The following SPMIP6 variants were observed in gnomAD, a reference collection of about 807,000 sequenced individuals.
SPMIP6 encodes the protein ciliated bronchial epithelial protein 1.
the SPMIP6 span, among the ~76,000 whole-genome samples, chr9:34,384,944 G>T: frequency 4.6e-5 from 7 of 152,046 alleles, no homozygotes; most frequent in African/African-American, 1.4e-4. Context: ...GTGTGGTGGG[G>T]CAGAGGGATG....
At chr9:34,395,415 T>G in the SPMIP6 span, among the ~76,000 whole-genome samples, 13 of 152,226 alleles carry the variant, frequency 8.5e-5, no homozygotes, top group Non-Finnish European at 1.5e-5. Flanking sequence ...AATGCTGTCT[T>G]TATTGGTTTA....
chr9:34,394,966 C>CTT, the SPMIP6 span, among the ~76,000 whole-genome samples: 60,313 of 144,066 alleles, frequency 0.42, 12,758 homozygotes, highest in Non-Finnish European at 0.48. Flanking sequence ...TTCCTTCATT[C>CTT]TTTTTTTTTT....
At chr9:34,393,623 GTTAGTTC>G in the SPMIP6 span, among the ~76,000 whole-genome samples, 1 of 151,898 alleles carries the variant, frequency 6.6e-6, no homozygotes, top group African/African-American at 2.4e-5. Flanking sequence ...CATTTATTTT[GTTAGTTC>G]TGGAAAATTC....
the SPMIP6 span, chr9:34,381,096 A>G: frequency 6.2e-7 from 1 of 1,608,924 alleles, no homozygotes; most frequent in South Asian, 1.1e-5. The surrounding 1 kb of genome is among the most constrained non-coding windows in gnomAD (Gnocchi z 4.4). Flanking sequence ...TGGTTCCGCG[A>G]CAGTGAGTTC....
At chr9:34,396,544 G>A in the SPMIP6 span, among the ~76,000 whole-genome samples, 3 of 152,006 alleles carry the variant, frequency 2.0e-5, no homozygotes, top group South Asian at 2.1e-4. Context: ...TTATGTCCAC[G>A]CTCCACAACA....
the SPMIP6 span, chr9:34,382,570 G>A: frequency 5.1e-6 from 3 of 586,688 alleles, no homozygotes; most frequent in Non-Finnish European, 9.3e-6. Flanking sequence ...GGGTGATAGA[G>A]TGAGACTCTA....
At chr9:34,382,564 G>T in the SPMIP6 span, 2 of 579,588 alleles carry the variant, frequency 3.5e-6, no homozygotes, top group Non-Finnish European at 6.2e-6. Flanking sequence ...CAGCCTGGGT[G>T]ATAGAGTGAG....
At chr9:34,390,767 G>A in the SPMIP6 span, among the ~76,000 whole-genome samples, 2 of 151,934 alleles carry the variant, frequency 1.3e-5, no homozygotes, top group Admixed American at 6.6e-5. Flanking sequence ...CCATAGGTGT[G>A]TGCCACCACA....
the SPMIP6 span, chr9:34,382,848 T>C: frequency 6.2e-7 from 1 of 1,613,222 alleles, no homozygotes; most frequent in Non-Finnish European, 8.5e-7. Context: ...ACTGCCCAGG[T>C]AGTTTGGGCT....
At chr9:34,380,971 C>T in the SPMIP6 span, 30 of 1,607,718 alleles carry the variant, frequency 1.9e-5, no homozygotes, top group Non-Finnish European at 2.5e-5. Context: ...CGTAGTAGTC[C>T]ATCCCGCGCA....
At chr9:34,381,081 G>T in the SPMIP6 span, 1 of 1,610,858 alleles carries the variant, frequency 6.2e-7, no homozygotes, top group Non-Finnish European at 8.5e-7. This position sits in a 1 kb window ranked among gnomAD's most constrained non-coding sequence, Gnocchi z 4.4. Flanking sequence ...ATCCGCGGCA[G>T]CTGCTGGTTC....
the SPMIP6 span, chr9:34,381,453 G>T: frequency 8.1e-6 from 13 of 1,613,910 alleles, no homozygotes; most frequent in South Asian, 1.1e-4. The surrounding 1 kb of genome is among the most constrained non-coding windows in gnomAD (Gnocchi z 4.4). Flanking sequence ...TCCTGGAAGC[G>T]GCACACATGC....
the SPMIP6 span, among the ~76,000 whole-genome samples, chr9:34,382,304 C>T: frequency 6.6e-6 from 1 of 152,210 alleles, no homozygotes; most frequent in Non-Finnish European, 1.5e-5. Context: ...TCAAACCCGG[C>T]CAGGTGCAGT....
chr9:34,380,615 C>T, the SPMIP6 span: 1 of 1,472,208 alleles, frequency 6.8e-7, no homozygotes, highest in Non-Finnish European at 9.0e-7. Context: ...TCTGACGGGA[C>T]CTCCAGAGCA....
At chr9:34,389,539 C>G in the SPMIP6 span, among the ~76,000 whole-genome samples, 1 of 152,108 alleles carries the variant, frequency 6.6e-6, no homozygotes, top group South Asian at 2.1e-4. Context: ...ACTACCATGC[C>G]CTGCCAATTT....
At chr9:34,385,560 A>AAAAAAT in the SPMIP6 span, 1 of 995,720 alleles carries the variant, frequency 1.0e-6, no homozygotes, top group Non-Finnish European at 1.5e-6. Flanking sequence ...AAAAAAAAAA[A>AAAAAAT]GGATAGAGGT....
the SPMIP6 span, chr9:34,381,507 C>T: frequency 6.2e-6 from 10 of 1,609,662 alleles, no homozygotes; most frequent in Non-Finnish European, 8.5e-6. The surrounding 1 kb of genome is among the most constrained non-coding windows in gnomAD (Gnocchi z 4.4). Flanking sequence ...TTTTAGGGGT[C>T]CTCCCAGAAC....
At chr9:34,396,906 C>T in the SPMIP6 span, among the ~76,000 whole-genome samples, 1 of 152,314 alleles carries the variant, frequency 6.6e-6, no homozygotes, top group South Asian at 2.1e-4. Flanking sequence ...GGATGGTACA[C>T]ACAGATAAAT....
the SPMIP6 span, among the ~76,000 whole-genome samples, chr9:34,380,285 GC>G: frequency 2.0e-5 from 3 of 152,316 alleles, no homozygotes; most frequent in South Asian, 6.2e-4. Context: ...CTGGGCTCCA[GC>G]TGTGCGCTCG....
Sources: gnomAD v4.1 joint callset for allele counts (sites outside exome capture counted in the v4.1 genomes callset) on GRCh38, gnomAD v4.1.1 for gene constraint, Gnocchi (gnomAD v3.1) non-coding constraint, MANE v1.5 for transcripts, NCBI Gene and HGNC (gene_info 2026-07-23, HGNC 2026-07-21) for gene names.